Variants in ADSS1 observed in about 807,000 individuals in gnomAD.
ADSS1 encodes the protein adenylosuccinate synthetase isozyme 1.
In ADSS1, 57 loss-of-function variants were observed where a neutral mutation model predicts 59.1. The observed-to-expected ratio is 0.97, with a 90% CI of 0.78 to 1.20. The LOEUF is 1.20. Among genes scored for constraint, ADSS1 ranks in the 50% most tolerant of loss-of-function variants. ADSS1 has a pLI of 0.00. For synonymous variants in ADSS1, 247 were observed against 249.4 expected, an observed-to-expected ratio of 0.99 and a Z score of 0.09; for missense variants, 603 against 610.3, an observed-to-expected ratio of 0.99 and a Z score of 0.13.
intron 2 of ADSS1, among the ~76,000 whole-genome samples, chr14:104,735,986 G>A (rs1891105609): frequency 6.6e-6 from 1 of 152,360 alleles, no homozygotes; most frequent in Non-Finnish European, 1.5e-5. Flanking sequence ...AGCCCGTCAG[G>A]AAGTGGGGGT....
At chr14:104,724,747 G>A (rs1337238963) in intron 1 of ADSS1, among the ~76,000 whole-genome samples, 3 of 152,016 alleles carry the variant, frequency 2.0e-5, no homozygotes, top group South Asian at 4.1e-4. Context: ...GGGGACACCC[G>A]ATCCTTAGGG....
chr14:104,746,910 G>C (rs1445199105), intron 12 of ADSS1, 41 bp from the exon 13 acceptor site: 2 of 1,606,876 alleles, frequency 1.2e-6, no homozygotes, highest in African/African-American at 2.7e-5. Flanking sequence ...TGAACTTTCT[G>C]CCTCCAGTGT....
At chr14:104,736,916 A>AT (rs1419314352) in intron 2 of ADSS1, among the ~76,000 whole-genome samples, 2,913 of 127,734 alleles carry the variant, frequency 0.023, 137 homozygotes, top group African/African-American at 0.075. Context: ...ATATATATGC[A>AT]TTTTTTTTTT....
At chr14:104,738,966 CA>C (rs1453189975) in intron 3 of ADSS1, among the ~76,000 whole-genome samples, 4 of 152,160 alleles carry the variant, frequency 2.6e-5, no homozygotes, top group Non-Finnish European at 5.9e-5. Context: ...ACATGGGCAC[CA>C]GGGGGTACCC....
chr14:104,742,967 G>A, intron 9 of ADSS1, 100 bp from the exon 10 acceptor site: 1 of 1,546,224 alleles, frequency 6.5e-7, no homozygotes, highest in Non-Finnish European at 8.8e-7. Context: ...CACCCTCAGG[G>A]ATTCTGAGAG....
intron 1 of ADSS1, among the ~76,000 whole-genome samples, chr14:104,731,305 C>G (rs1365113565): frequency 6.6e-6 from 1 of 152,216 alleles, no homozygotes; most frequent in Non-Finnish European, 1.5e-5. Flanking sequence ...AGCTGCTACA[C>G]CTCTAGGCGC....
chr14:104,741,870 A>T lies in ADSS1; in HGVS notation c.816A>T (p.Ser272=). The T allele has an allele frequency of 6.2e-7, 1 of 1,613,334 alleles. No homozygotes were observed. Among genetic ancestry groups the T allele is most frequent in the Non-Finnish European group, 8.5e-7 (1 of 1,179,958 alleles). The change falls in exon 9 of 13, where the codon TCA becomes TCT. Residue 272 remains serine (S), a synonymous_variant. Transcript: ENST00000330877. ...CAGGGACCTACCCCTTTGTGACTTCATCCAACTGCACCGTGGGCGGTGTGT... is the reference window on the plus strand; with the variant it reads ...CAGGGACCTACCCCTTTGTGACTTCTTCCAACTGCACCGTGGGCGGTGTGT... ...IDFGTYPFVT[S]SNCTVGGVCT...
At chr14:104,738,346 C>T in intron 2 of ADSS1, 30 bp from the exon 3 acceptor site, 1 of 1,612,344 alleles carries the variant, frequency 6.2e-7, no homozygotes, top group East Asian at 2.2e-5. Flanking sequence ...GGACACAACT[C>T]TGTCTCTCAT....
Position 104,746,231 on chromosome 14 carries a change from C to T in ADSS1, c.1172-5C>T. ...CCCCACTCATCTCCTGTGTGCTTCC[C>T]CCAGCTAACCAGGAGATGCTTCAGA... On this transcript the variant is annotated splice_polypyrimidine_tract_variant and splice_region_variant and intron_variant, in intron 11 of 12. Transcript: ENST00000330877. 6.2e-7 allele frequency: 1 copy of T among 1,604,372 alleles called. No homozygotes were observed. Among genetic ancestry groups the T allele is most frequent in the Non-Finnish European group, 8.5e-7 (1 of 1,172,714 alleles).
chr14:104,728,529 G>C (rs989744946), intron 1 of ADSS1, among the ~76,000 whole-genome samples: 8 of 152,146 alleles, frequency 5.3e-5, no homozygotes, highest in African/African-American at 1.9e-4. Flanking sequence ...TGCAAGCAGA[G>C]CCCAGAAGGG....
In ADSS1 at chr14:104,747,227, C is replaced by T. The variant is rs1891598488; in HGVS notation, c.*224C>T. On this transcript the variant is annotated 3_prime_UTR_variant, in exon 13 of 13. Transcript: ENST00000330877. ...TATATTCAAAATGAGCCAAAGTGCT[C>T]AGAGACCTTCTATGACACATTAGTG... 6.7e-6 allele frequency: 3 copies of T among 449,346 alleles called. No homozygotes were observed. Among genetic ancestry groups the T allele is most frequent in the South Asian group, 7.6e-5 (2 of 26,300 alleles). 27.8% of individuals were successfully genotyped at this position (449,346 alleles called of 1,614,324 possible).
chr14:104,729,484 T>TGGGA, intron 1 of ADSS1, among the ~76,000 whole-genome samples: 1 of 134,054 alleles, frequency 7.5e-6, no homozygotes, highest in Admixed American at 7.8e-5. Flanking sequence ...GGCGTCGGCG[T>TGGGA]GGGAGGGAGG....
chr14:104,741,847 G>A lies in ADSS1; in HGVS notation c.794-1G>A. 1 of 1,613,202 alleles carries A rather than the reference G, an allele frequency of 6.2e-7. No individual in the cohort carries two copies. On this transcript the variant is annotated splice_acceptor_variant, in intron 8 of 12. Transcript: ENST00000330877. LOFTEE classifies it high-confidence loss of function. ...CCCCCTAAACCTGCTCTGTCTTGCA[G>A]GGACCTACCCCTTTGTGACTTCATC...
rs1184346389 is a variant in ADSS1 at position 104,724,301 on chromosome 14, C to A, written c.31C>A (p.Pro11Thr). 5 of 1,232,942 alleles carry A rather than the reference C, an allele frequency of 4.1e-6. No individual in the cohort carries two copies. Among genetic ancestry groups the A allele is most frequent in the Non-Finnish European group, 4.1e-6 (4 of 986,384 alleles). The allele number at this position is 1,232,942 out of a possible 1,614,324, so 76.4% of individuals were successfully genotyped here. ...GGGGACCCGAGCCTCCAACGACCGG[C>A]CCCCCGGCGCAGGCGGCGTCAAGCG... MSGTRASNDR[P>T]PGAGGVKRGR... is the part of the protein sequence containing the mutation. Residue 11 changes from proline to threonine, a missense_variant, in exon 1 of 13, where the codon CCC becomes ACC. Transcript: ENST00000330877.
chr14:104,738,868 G>A (rs1397278985), intron 3 of ADSS1, among the ~76,000 whole-genome samples: 1 of 152,230 alleles, frequency 6.6e-6, no homozygotes, highest in African/African-American at 2.4e-5. Flanking sequence ...ACGGACGGCA[G>A]CCTGAGTGGG....
chr14:104,729,976 G>C (rs1340583688), intron 1 of ADSS1: 1 of 1,595,098 alleles, frequency 6.3e-7, no homozygotes, highest in Admixed American at 1.7e-5. Context: ...CCCTCAGCTC[G>C]TCCCCAGCTC....
intron 1 of ADSS1, among the ~76,000 whole-genome samples, chr14:104,726,897 C>T (rs1477011555): frequency 2.0e-5 from 3 of 152,210 alleles, no homozygotes; most frequent in African/African-American, 7.2e-5. Flanking sequence ...AAAGGGTCAC[C>T]TGGGCCTGGG....
intron 1 of ADSS1, among the ~76,000 whole-genome samples, chr14:104,732,000 G>A (rs1890949089): frequency 6.6e-6 from 1 of 152,210 alleles, no homozygotes. Flanking sequence ...CCTGTGAGAG[G>A]GCAGCAGCCT....
At chr14:104,742,834 C>T (rs1262432664) in intron 9 of ADSS1, among the ~76,000 whole-genome samples, 3 of 152,134 alleles carry the variant, frequency 2.0e-5, no homozygotes, top group Non-Finnish European at 4.4e-5. Context: ...GAAGAGCGCT[C>T]GCCGGCTCGG....
Sources: gnomAD v4.1 joint callset for allele counts (sites outside exome capture counted in the v4.1 genomes callset) on GRCh38, gnomAD v4.1.1 for gene constraint, MANE v1.5 for transcripts, NCBI Gene and HGNC (gene_info 2026-07-23, HGNC 2026-07-21) for gene names.